Variants in TGFBR2 observed in about 807,000 individuals in gnomAD.
The protein encoded by TGFBR2 is transforming growth factor beta receptor 2, also known as TGF-beta receptor type-2.
Under a neutral mutation model 49.0 loss-of-function variants are expected in TGFBR2, and 18 were observed. The ratio of observed to expected loss-of-function variants is 0.37; its 90% confidence interval spans 0.25 to 0.54. TGFBR2 has a LOEUF of 0.54. Among genes scored for constraint, TGFBR2 ranks in the 20% least tolerant of loss-of-function variants. The pLI is 0.85. For synonymous variants in TGFBR2, 282 were observed against 275.9 expected (o/e 1.02, Z -0.22); for missense variants, 525 against 722.6 (o/e 0.73, Z 3.13).
intron 3 of TGFBR2, 68 bp downstream of exon 3, chr3:30,650,528 A>G (rs1392507109): frequency 1.3e-6 from 2 of 1,507,828 alleles, no homozygotes; most frequent in East Asian, 2.3e-5. Flanking sequence ...CTTGGTCTGC[A>G]GTGTCATAGA....
chr3:30,616,097 A>C (rs1698127417), intron 1 of TGFBR2, among the ~76,000 whole-genome samples: 1 of 152,074 alleles, frequency 6.6e-6, no homozygotes, highest in African/African-American at 2.4e-5. Context: ...TTTTATATTC[A>C]CTTTATTCTT....
chr3:30,688,741 C>G lies in TGFBR2; in HGVS notation c.1524+230C>G, dbSNP rs9819937. On this transcript the variant is annotated intron_variant, in intron 6 of 6. Transcript: ENST00000295754. ...AGTTCACAAATAGCCATTCGGAGGA[C>G]ATTTGCCACATTTTCCAAGCCCCCT... Among the ~76,000 whole-genome samples the G allele has an allele frequency of 0.022, 3,402 of 152,316 alleles. 123 individuals are homozygous for G. Among genetic ancestry groups the G allele is most frequent in the African/African-American group, 0.076 (3,165 of 41,548 alleles).
intron 1 of TGFBR2, among the ~76,000 whole-genome samples, chr3:30,617,141 T>A (rs1698147845): frequency 6.6e-6 from 1 of 152,170 alleles, no homozygotes; most frequent in African/African-American, 2.4e-5. Flanking sequence ...TTTCAAATAT[T>A]TCTCTACCAC....
chr3:30,682,761 T>C (rs1297707533), intron 5 of TGFBR2, among the ~76,000 whole-genome samples: 1 of 152,188 alleles, frequency 6.6e-6, no homozygotes, highest in African/African-American at 2.4e-5. Context: ...CTCTTTGTAA[T>C]TGTTTTTTTG....
chr3:30,671,606 C>A (rs1276621431), intron 3 of TGFBR2, 32 bp from the exon 4 acceptor site: 2 of 1,611,770 alleles, frequency 1.2e-6, no homozygotes, highest in Non-Finnish European at 1.7e-6. Flanking sequence ...CCACATCCAA[C>A]TCCTTCTCTC....
At chr3:30,643,317 T>C (rs1199816189) in intron 1 of TGFBR2, among the ~76,000 whole-genome samples, 3 of 152,234 alleles carry the variant, frequency 2.0e-5, no homozygotes, top group African/African-American at 7.2e-5. Flanking sequence ...TGTTTCTTAG[T>C]CTAGCATGTA....
chr3:30,662,576 G>C (rs564336020), intron 3 of TGFBR2, among the ~76,000 whole-genome samples: 1 of 152,334 alleles, frequency 6.6e-6, no homozygotes, highest in East Asian at 1.9e-4. Flanking sequence ...TCAATAGCTA[G>C]AAGTTAAATT....
chr3:30,629,313 T>C (rs1289526944), intron 1 of TGFBR2, among the ~76,000 whole-genome samples: 1 of 152,246 alleles, frequency 6.6e-6, no homozygotes, highest in Non-Finnish European at 1.5e-5. Context: ...ATCTAGATTA[T>C]GCCCTTGACT....
chr3:30,617,340 G>T (rs1449820721), intron 1 of TGFBR2, among the ~76,000 whole-genome samples: 1 of 152,034 alleles, frequency 6.6e-6, no homozygotes, highest in Non-Finnish European at 1.5e-5. Flanking sequence ...ACTACATATC[G>T]GATTTGCGTC....
At chr3:30,688,812 C>T (rs938729104) in intron 6 of TGFBR2, among the ~76,000 whole-genome samples, 1 of 152,212 alleles carries the variant, frequency 6.6e-6, no homozygotes, top group African/African-American at 2.4e-5. Flanking sequence ...GCTACTTACT[C>T]CTGGGCCTTC....
chr3:30,622,602 G>T (rs543793527), intron 1 of TGFBR2, among the ~76,000 whole-genome samples: 2 of 152,040 alleles, frequency 1.3e-5, no homozygotes, highest in South Asian at 4.1e-4. Flanking sequence ...ACTAGTACCA[G>T]CCAGTGCAAT....
At chr3:30,614,629 C>G (rs1698097913) in intron 1 of TGFBR2, among the ~76,000 whole-genome samples, 1 of 152,158 alleles carries the variant, frequency 6.6e-6, no homozygotes. Context: ...ATAGTAGCTA[C>G]CACTTATTGA....
At chr3:30,679,476 T>G (rs1217926004) in intron 5 of TGFBR2, among the ~76,000 whole-genome samples, 10 of 152,194 alleles carry the variant, frequency 6.6e-5, no homozygotes, top group Non-Finnish European at 1.5e-4. Flanking sequence ...TGGTACAGCT[T>G]CATTTCGCAC....
At chr3:30,636,889 C>G (rs1698545612) in intron 1 of TGFBR2, among the ~76,000 whole-genome samples, 1 of 151,748 alleles carries the variant, frequency 6.6e-6, no homozygotes, top group Non-Finnish European at 1.5e-5. Flanking sequence ...ACGGTGAAAC[C>G]CCGTCTCTAC....
At chr3:30,678,559 A>AT (rs1193405472) in intron 5 of TGFBR2, among the ~76,000 whole-genome samples, 12 of 151,484 alleles carry the variant, frequency 7.9e-5, no homozygotes, top group Non-Finnish European at 1.5e-4. Context: ...AAAAAAAAAA[A>AT]AAAAAAAAAG....
intron 1 of TGFBR2, among the ~76,000 whole-genome samples, chr3:30,619,854 C>G (rs1444908140): frequency 1.3e-5 from 2 of 152,146 alleles, no homozygotes; most frequent in Non-Finnish European, 2.9e-5. Flanking sequence ...TTCATATGAC[C>G]TTGTTTGCCA....
chr3:30,613,295 A>G (rs1698064244), intron 1 of TGFBR2, among the ~76,000 whole-genome samples: 1 of 151,858 alleles, frequency 6.6e-6, no homozygotes, highest in African/African-American at 2.4e-5. Context: ...AGCCATGCCT[A>G]TGGGGTGAGG....
intron 5 of TGFBR2, among the ~76,000 whole-genome samples, chr3:30,686,618 G>T (rs2125450052): frequency 6.6e-6 from 1 of 152,298 alleles, no homozygotes; most frequent in Middle Eastern, 3.4e-3. Context: ...TGCCATGAAA[G>T]CTTCTTCAAT....
At chr3:30,610,535 A>G (rs1284200710) in intron 1 of TGFBR2, among the ~76,000 whole-genome samples, 1 of 152,162 alleles carries the variant, frequency 6.6e-6, no homozygotes, top group Admixed American at 6.5e-5. Flanking sequence ...CTTTGAGGAT[A>G]GGCTGGTGGT....
Sources: allele counts gnomAD v4.1 joint callset (sites outside exome capture counted in the v4.1 genomes callset), GRCh38; gene constraint gnomAD v4.1.1; transcripts MANE v1.5; gene names NCBI Gene and HGNC (gene_info 2026-07-23, HGNC 2026-07-21).